SLCO3A1: variants seen among roughly 807,000 people sequenced by gnomAD.
SLCO3A1 encodes the protein solute carrier organic anion transporter family member 3A1.
In SLCO3A1, 27 loss-of-function variants were observed where a neutral mutation model predicts 63.1. The ratio of observed to expected loss-of-function variants is 0.43; its 90% confidence interval spans 0.32 to 0.59. The LOEUF is 0.59. Ranked by LOEUF, SLCO3A1 falls within the 20% of genes least tolerant of loss-of-function variation. The probability of loss-of-function intolerance (pLI) is 0.09; values close to 1 mark genes in which losing one functional copy is unlikely to be tolerated. For synonymous variants in SLCO3A1, 473 were observed against 409.9 expected, an observed-to-expected ratio of 1.15 and a Z score of -1.86; for missense variants, 773 against 945.8, an observed-to-expected ratio of 0.82 and a Z score of 2.40.
chr15:92,153,753 T>G (rs2048336901), intron 9 of SLCO3A1: 1 of 151,340 alleles, frequency 6.6e-6, no homozygotes, highest in African/African-American at 2.4e-5. Flanking sequence ...GGGGAAGGAG[T>G]AAGAGTCATA....
chr15:91,966,410 A>G (rs1017904350), intron 2 of SLCO3A1, among the ~76,000 whole-genome samples: 8 of 152,212 alleles, frequency 5.3e-5, no homozygotes, highest in African/African-American at 1.9e-4. Context: ...ACAAGTTCCC[A>G]CTAATGTATC....
At chr15:91,988,309 C>G (rs1346306067) in intron 2 of SLCO3A1, among the ~76,000 whole-genome samples, 1 of 151,924 alleles carries the variant, frequency 6.6e-6, no homozygotes, top group African/African-American at 2.4e-5. Flanking sequence ...CCACTGCACT[C>G]CAGCCTGGGT....
chr15:92,126,836 G>C (rs957660280), intron 6 of SLCO3A1, among the ~76,000 whole-genome samples: 1 of 152,178 alleles, frequency 6.6e-6, no homozygotes, highest in African/African-American at 2.4e-5. Context: ...GGAATTATGG[G>C]GAGTCTTCAG....
At chr15:92,135,019 G>A (rs1018950563) in intron 7 of SLCO3A1, among the ~76,000 whole-genome samples, 2 of 152,176 alleles carry the variant, frequency 1.3e-5, no homozygotes, top group South Asian at 2.1e-4. Flanking sequence ...AGGGGGAGAC[G>A]TGGCAAGGGC....
At chr15:92,049,396 G>T (rs1362069543) in intron 2 of SLCO3A1, among the ~76,000 whole-genome samples, 1 of 152,138 alleles carries the variant, frequency 6.6e-6, no homozygotes, top group African/African-American at 2.4e-5. Context: ...GGTGGGTTTG[G>T]TGACGGAAGG....
chr15:91,913,464 CCT>C (rs1767906368), intron 1 of SLCO3A1, among the ~76,000 whole-genome samples: 1 of 152,240 alleles, frequency 6.6e-6, no homozygotes, highest in East Asian at 1.9e-4. Flanking sequence ...TGGGACCAGG[CCT>C]CTCAAATTTT....
At chr15:91,858,167 A>C (rs996682893) in intron 1 of SLCO3A1, among the ~76,000 whole-genome samples, 1 of 152,068 alleles carries the variant, frequency 6.6e-6, no homozygotes, top group African/African-American at 2.4e-5. Context: ...TGCATATTCA[A>C]CCCAGAAGCA....
At chr15:92,135,734 A>G (rs1270897665) in intron 7 of SLCO3A1, among the ~76,000 whole-genome samples, 1 of 152,204 alleles carries the variant, frequency 6.6e-6, no homozygotes, top group Non-Finnish European at 1.5e-5. Context: ...ACCCCACTTT[A>G]TTGTGGTGGT....
intron 2 of SLCO3A1, among the ~76,000 whole-genome samples, chr15:91,972,887 G>C (rs1177166973): frequency 6.6e-6 from 1 of 152,208 alleles, no homozygotes; most frequent in Admixed American, 6.5e-5. Flanking sequence ...TTGGGAGGCC[G>C]AGGCAGGCGG....
intron 2 of SLCO3A1, among the ~76,000 whole-genome samples, chr15:92,053,684 G>GT (rs1567092399): frequency 2.7e-4 from 4 of 14,946 alleles, no homozygotes; most frequent in South Asian, 3.4e-3. Flanking sequence ...TTGTTTTTTT[G>GT]TTTGTTTGTT....
chr15:91,952,466 T>A (rs1204947458), intron 2 of SLCO3A1, among the ~76,000 whole-genome samples: 5 of 152,158 alleles, frequency 3.3e-5, no homozygotes, highest in Non-Finnish European at 7.4e-5. Context: ...AACCGGTGAT[T>A]TGAGTAAATA....
At chr15:92,060,021 A>G (rs550704856) in intron 2 of SLCO3A1, among the ~76,000 whole-genome samples, 4 of 152,246 alleles carry the variant, frequency 2.6e-5, no homozygotes, top group African/African-American at 9.6e-5. Context: ...GGCAGTTGCA[A>G]CGCAACGGTA....
intron 3 of SLCO3A1, among the ~76,000 whole-genome samples, chr15:92,096,299 A>G (rs1596097236): frequency 6.6e-6 from 1 of 152,196 alleles, no homozygotes; most frequent in South Asian, 2.1e-4. Context: ...CAGTCTTTTT[A>G]TAACCTAATC....
At chr15:92,104,995 G>GTGTAATCACA (rs1312738025) in intron 4 of SLCO3A1, among the ~76,000 whole-genome samples, 3 of 147,024 alleles carry the variant, frequency 2.0e-5, no homozygotes, top group Non-Finnish European at 4.5e-5. Context: ...ACCGCGCCCG[G>GTGTAATCACA]TGTAATCACA....
chr15:91,891,840 C>G (rs117162340), intron 1 of SLCO3A1, among the ~76,000 whole-genome samples: 1 of 152,216 alleles, frequency 6.6e-6, no homozygotes, highest in Admixed American at 6.5e-5. Context: ...ATATTTCAGG[C>G]TTTGCAGGCC....
chr15:91,942,984 C>T lies in SLCO3A1; in HGVS notation c.646+26526C>T, dbSNP rs75632405. On this transcript the variant is annotated intron_variant, in intron 2 of 9. Transcript: ENST00000318445. This position sits in a 1 kb window ranked among gnomAD's most constrained non-coding sequence, Gnocchi z 4.1. ...GACCTCGTTCTGCCTCCCTTTCTCT[C>T]CTAAAAGCATCTCCCTTGACCTTCT... Among the ~76,000 whole-genome samples, 5,843 of 152,296 alleles carry T rather than the reference C, an allele frequency of 0.038. 371 individuals carry two copies. Among genetic ancestry groups the T allele is most frequent in the African/African-American group, 0.13 (5,522 of 41,538 alleles).
intron 1 of SLCO3A1, among the ~76,000 whole-genome samples, chr15:91,910,792 C>T (rs1026419842): frequency 1.3e-5 from 2 of 152,196 alleles, no homozygotes; most frequent in African/African-American, 2.4e-5. Flanking sequence ...TAGAGTCACC[C>T]AGGGAACTCT....
At chr15:91,903,205 A>AGTCCCTCAGGTCCCC (rs1302707165) in intron 1 of SLCO3A1, among the ~76,000 whole-genome samples, 1 of 152,190 alleles carries the variant, frequency 6.6e-6, no homozygotes, top group Non-Finnish European at 1.5e-5. Flanking sequence ...GTAACTGAAG[A>AGTCCCTCAGGTCCCC]TGCGAGGAGG....
At chr15:92,128,737 A>G (rs1043677503) in intron 7 of SLCO3A1, among the ~76,000 whole-genome samples, 2 of 152,166 alleles carry the variant, frequency 1.3e-5, no homozygotes, top group Non-Finnish European at 2.9e-5. Context: ...TATATATGGA[A>G]CCAAAGGAAA....
Sources: gnomAD v4.1 joint callset for allele counts (sites outside exome capture counted in the v4.1 genomes callset) on GRCh38, gnomAD v4.1.1 for gene constraint, Gnocchi (gnomAD v3.1) non-coding constraint, MANE v1.5 for transcripts, NCBI Gene and HGNC (gene_info 2026-07-23, HGNC 2026-07-21) for gene names.